Variants in ARHGEF3 observed in about 807,000 individuals in gnomAD.
ARHGEF3 encodes the protein Rho guanine nucleotide exchange factor 3.
Under a neutral mutation model 63.2 loss-of-function variants are expected in ARHGEF3, and 28 were observed. That is an observed-to-expected ratio of 0.44 (90% CI 0.33 to 0.61). ARHGEF3 has a LOEUF of 0.61. Ranked by LOEUF, ARHGEF3 falls within the 20% of genes least tolerant of loss-of-function variation. ARHGEF3 has a pLI of 0.03. For synonymous variants in ARHGEF3, 266 were observed against 254.2 expected, an observed-to-expected ratio of 1.05 and a Z score of -0.44; for missense variants, 533 against 659.3, an observed-to-expected ratio of 0.81 and a Z score of 2.10.
intron 2 of ARHGEF3, among the ~76,000 whole-genome samples, chr3:57,015,717 T>C (rs541736607): frequency 1.3e-5 from 2 of 151,856 alleles, no homozygotes; most frequent in South Asian, 2.1e-4. Context: ...GCTGGGATTA[T>C]AGGCGTGAGC....
chr3:56,860,041 GAGATAGATAGAT>G (rs71072201), intron 4 of ARHGEF3, among the ~76,000 whole-genome samples: 5 of 150,264 alleles, frequency 3.3e-5, no homozygotes, highest in Non-Finnish European at 5.9e-5. Flanking sequence ...GGTCTCAAGA[GAGATAGATAGAT>G]AGATAGATAG....
intron 2 of ARHGEF3, among the ~76,000 whole-genome samples, chr3:56,960,249 C>T (rs552051621): frequency 3.9e-5 from 6 of 152,272 alleles, no homozygotes; most frequent in African/African-American, 1.4e-4. Flanking sequence ...GACTCTCACC[C>T]TGTGAGTTAG....
At chr3:57,061,217 T>C (rs940048411) in intron 1 of ARHGEF3, among the ~76,000 whole-genome samples, 2 of 152,346 alleles carry the variant, frequency 1.3e-5, no homozygotes, top group Middle Eastern at 3.4e-3. Context: ...GTAAGTGTCC[T>C]TTTGTGACTG....
At chr3:56,747,070 G>C (rs1021114099) in intron 6 of ARHGEF3, among the ~76,000 whole-genome samples, 8 of 104,042 alleles carry the variant, frequency 7.7e-5, no homozygotes, top group African/African-American at 1.9e-4. Context: ...CACACAGAGA[G>C]AGAGAGAGAG....
intron 3 of ARHGEF3, among the ~76,000 whole-genome samples, chr3:56,901,784 C>T (rs1349886841): frequency 2.6e-5 from 4 of 152,030 alleles, no homozygotes; most frequent in Non-Finnish European, 5.9e-5. Flanking sequence ...GAGATGAGGT[C>T]TGGCTATGTT....
chr3:57,042,231 A>G (rs907313262), intron 1 of ARHGEF3, among the ~76,000 whole-genome samples: 6 of 152,108 alleles, frequency 3.9e-5, no homozygotes, highest in Admixed American at 1.3e-4. Context: ...CAAACTGTCC[A>G]TCGATAAGGC....
At chr3:56,758,558 C>G (rs899786883) in intron 2 of ARHGEF3, among the ~76,000 whole-genome samples, 1 of 152,188 alleles carries the variant, frequency 6.6e-6, no homozygotes, top group African/African-American at 2.4e-5. Context: ...AGTAGCAACA[C>G]AAGCCCCTTA....
At chr3:56,766,977 G>GT (rs2035737159) in intron 2 of ARHGEF3, among the ~76,000 whole-genome samples, 1 of 152,166 alleles carries the variant, frequency 6.6e-6, no homozygotes, top group Non-Finnish European at 1.5e-5. Context: ...TAACTCAACT[G>GT]TACATTCTTT....
At chr3:56,808,139 A>AT (rs2037932260) in intron 4 of ARHGEF3, among the ~76,000 whole-genome samples, 1 of 151,588 alleles carries the variant, frequency 6.6e-6, no homozygotes, top group Non-Finnish European at 1.5e-5. Context: ...AAAAAAAAAA[A>AT]AGTATCCCCG....
chr3:57,033,592 A>G (rs931713974), intron 2 of ARHGEF3, among the ~76,000 whole-genome samples: 4 of 152,056 alleles, frequency 2.6e-5, no homozygotes, highest in African/African-American at 9.7e-5. Context: ...ACGTATCTAG[A>G]TAACTAACAA....
At chr3:56,822,735 C>G (rs563128829) in intron 4 of ARHGEF3, among the ~76,000 whole-genome samples, 1 of 151,962 alleles carries the variant, frequency 6.6e-6, no homozygotes, top group East Asian at 1.9e-4. Context: ...CACCTGTAAT[C>G]CCAGCTACTC....
chr3:56,974,162 C>T (rs751292845), intron 2 of ARHGEF3, among the ~76,000 whole-genome samples: 4 of 152,186 alleles, frequency 2.6e-5, no homozygotes, highest in Non-Finnish European at 4.4e-5. Context: ...ACCCTCTAGA[C>T]ATATGGTAGA....
intron 3 of ARHGEF3, among the ~76,000 whole-genome samples, chr3:56,899,212 T>C (rs573371514): frequency 1.4e-4 from 22 of 152,286 alleles, no homozygotes; most frequent in African/African-American, 5.3e-4. Context: ...TAGAAGGACA[T>C]AGAAAGTCAA....
At chr3:57,056,203 T>C (rs1044182916) in intron 1 of ARHGEF3, among the ~76,000 whole-genome samples, 5 of 151,686 alleles carry the variant, frequency 3.3e-5, no homozygotes, top group African/African-American at 1.2e-4. Flanking sequence ...CTGGCTAACA[T>C]GGTGAAACCC....
intron 1 of ARHGEF3, among the ~76,000 whole-genome samples, chr3:57,056,555 A>G (rs1027964963): frequency 6.6e-6 from 1 of 152,056 alleles, no homozygotes; most frequent in African/African-American, 2.4e-5. Context: ...GAGCAAGCAA[A>G]GGGATTGGGA....
At chr3:57,056,934 T>TACAC (rs140034372) in intron 1 of ARHGEF3, among the ~76,000 whole-genome samples, 7 of 151,228 alleles carry the variant, frequency 4.6e-5, no homozygotes, top group Non-Finnish European at 8.9e-5. Context: ...TGCAGGTCTA[T>TACAC]ACACACACAC....
chr3:56,822,910 G>T (rs987207984), intron 4 of ARHGEF3, among the ~76,000 whole-genome samples: 2 of 151,870 alleles, frequency 1.3e-5, no homozygotes, highest in African/African-American at 4.8e-5. Flanking sequence ...TGGGCCATGT[G>T]GTTATGTTGT....
chr3:56,968,886 C>T (rs1700783475), intron 2 of ARHGEF3, among the ~76,000 whole-genome samples: 1 of 152,060 alleles, frequency 6.6e-6, no homozygotes. Context: ...TTGAACAGCA[C>T]AGTTATAGAA....
chr3:57,020,843 C>T (rs1703228104), intron 2 of ARHGEF3, among the ~76,000 whole-genome samples: 1 of 152,224 alleles, frequency 6.6e-6, no homozygotes. Flanking sequence ...GCATTTCTGT[C>T]ACTTGCAATA....
Sources: allele counts gnomAD v4.1 joint callset (sites outside exome capture counted in the v4.1 genomes callset), GRCh38; gene constraint gnomAD v4.1.1; transcripts MANE v1.5; gene names NCBI Gene and HGNC (gene_info 2026-07-23, HGNC 2026-07-21).